NRG3: variants seen among roughly 807,000 people sequenced by gnomAD.
The protein encoded by NRG3 is pro-neuregulin-3, membrane-bound isoform.
NRG3 carries 31 observed loss-of-function variants against 66.9 expected under a neutral mutation model. The observed-to-expected ratio is 0.46, with a 90% CI of 0.35 to 0.63. The LOEUF is 0.63. Ranked by LOEUF, NRG3 falls within the 20% of genes least tolerant of loss-of-function variation. The pLI, the probability that NRG3 is intolerant of heterozygous loss-of-function variation, is 0.00. For synonymous variants in NRG3, 393 were observed against 359.4 expected (o/e 1.09, Z -1.06); for missense variants, 910 against 878.9 (o/e 1.04, Z -0.45).
At chr10:82,798,552 G>A (rs941987128) in intron 3 of NRG3, among the ~76,000 whole-genome samples, 1 of 152,070 alleles carries the variant, frequency 6.6e-6, no homozygotes, top group Admixed American at 6.6e-5. Flanking sequence ...ATCTTGTTTG[G>A]GGGTTTATTA....
intron 1 of NRG3, among the ~76,000 whole-genome samples, chr10:82,117,492 A>G (rs2132318961): frequency 6.6e-6 from 1 of 152,214 alleles, no homozygotes; most frequent in South Asian, 2.1e-4. Context: ...CAAATACTTG[A>G]TATCTTGAAT....
Position 82,640,905 on chromosome 10 carries a change from G to C in NRG3, c.954-97672G>C, listed in dbSNP as rs182033920. Among the ~76,000 whole-genome samples, 6 of 151,614 alleles carry C rather than the reference G, an allele frequency of 4.0e-5. No individual in the cohort carries two copies. In the East Asian group the frequency reaches 9.7e-4, roughly 25 times the overall value. On this transcript the variant is annotated intron_variant, in intron 2 of 8. Coordinates refer to ENST00000372141, the MANE Select transcript of NRG3 (RefSeq NM_001010848.4). Reference sequence around the variant, plus strand: ...TATTAACAAATGCTTACATTCTTTTGAGGACAACTTGTACGATTTGATAGG... The same window carrying C: ...TATTAACAAATGCTTACATTCTTTTCAGGACAACTTGTACGATTTGATAGG...
chr10:82,865,156 T>G (rs536377764), intron 3 of NRG3, among the ~76,000 whole-genome samples: 29 of 152,332 alleles, frequency 1.9e-4, no homozygotes, highest in African/African-American at 6.7e-4. Context: ...TTCTTCATGA[T>G]GTATGCAATA....
At chr10:82,242,559 A>G (rs762835960) in intron 1 of NRG3, among the ~76,000 whole-genome samples, 3 of 152,154 alleles carry the variant, frequency 2.0e-5, no homozygotes, top group Non-Finnish European at 4.4e-5. Flanking sequence ...TAGGTACAAC[A>G]TTCTTTCTAA....
chr10:82,082,852 C>A (rs964908383), intron 1 of NRG3, among the ~76,000 whole-genome samples: 1 of 151,956 alleles, frequency 6.6e-6, no homozygotes, highest in South Asian at 2.1e-4. Context: ...CTTTTTATTG[C>A]AAAGAAAGAA....
At chr10:82,197,079 A>C (rs1180449421) in intron 1 of NRG3, among the ~76,000 whole-genome samples, 1 of 152,170 alleles carries the variant, frequency 6.6e-6, no homozygotes, top group Non-Finnish European at 1.5e-5. Context: ...TCTTGAAAGC[A>C]GATCAGGAAT....
intron 1 of NRG3, among the ~76,000 whole-genome samples, chr10:82,080,071 G>T (rs1316126880): frequency 2.0e-5 from 3 of 152,112 alleles, no homozygotes; most frequent in Non-Finnish European, 4.4e-5. Context: ...GGTCTGCAAG[G>T]CAATCCACAG....
At chr10:82,738,855 C>A (rs1281523048) in intron 3 of NRG3, among the ~76,000 whole-genome samples, 1 of 152,166 alleles carries the variant, frequency 6.6e-6, no homozygotes, top group Non-Finnish European at 1.5e-5. Context: ...GGCCTGGCTT[C>A]CGGATTCCAC....
intron 6 of NRG3, among the ~76,000 whole-genome samples, chr10:82,962,137 C>A (rs1266290856): frequency 6.6e-6 from 1 of 152,166 alleles, no homozygotes; most frequent in Non-Finnish European, 1.5e-5. Context: ...TCCAAGGCTG[C>A]AGAACTGGAG....
rs10690548 is a variant in NRG3, at chr10:82,398,526, T to TGAGAGA, written c.953+39672_953+39677dup. On this transcript the variant is annotated intron_variant, in intron 2 of 8. Coordinates refer to ENST00000372141, the MANE Select transcript of NRG3 (RefSeq NM_001010848.4). ...GTGTGTGTGTGTGTGTGTGTGTGTG[T>TGAGAGA]GAGAGAGAGAGAGAGAGAGTATGAG... Among the ~76,000 whole-genome samples, 514 of 136,566 alleles carry TGAGAGA rather than the reference T, an allele frequency of 3.8e-3. 6 individuals carry two copies. Among genetic ancestry groups the TGAGAGA allele is most frequent in the African/African-American group, 0.015 (498 of 34,228 alleles). The allele number at this position is 136,566 out of a possible 152,430, so 89.6% of individuals were successfully genotyped here. A position where few individuals can be genotyped will look rare whatever the true frequency, so the allele number is the denominator to read the frequency against.
chr10:82,456,284 T>C (rs2091263592), intron 2 of NRG3, among the ~76,000 whole-genome samples: 1 of 151,812 alleles, frequency 6.6e-6, no homozygotes, highest in Non-Finnish European at 1.5e-5. Flanking sequence ...GGACTAAAAG[T>C]ATGTGCTACA....
At chr10:82,727,686 A>C (rs1378629820) in intron 2 of NRG3, among the ~76,000 whole-genome samples, 1 of 152,190 alleles carries the variant, frequency 6.6e-6, no homozygotes, top group East Asian at 1.9e-4. Flanking sequence ...CAGAGTCCCT[A>C]CTGGGGCACT....
intron 8 of NRG3, among the ~76,000 whole-genome samples, chr10:82,982,562 G>C (rs1018469105): frequency 1.1e-4 from 17 of 152,030 alleles, no homozygotes; most frequent in Non-Finnish European, 2.9e-5. Flanking sequence ...ATCATGTCTG[G>C]GGGGAAGTGA....
chr10:82,593,767 G>T (rs1168943363), intron 2 of NRG3, among the ~76,000 whole-genome samples: 1 of 151,066 alleles, frequency 6.6e-6, no homozygotes, highest in African/African-American at 2.4e-5. Flanking sequence ...AAAACTATCA[G>T]GTATTAAATA....
chr10:82,756,796 A>G (rs2059096316), intron 3 of NRG3, among the ~76,000 whole-genome samples: 2 of 151,366 alleles, frequency 1.3e-5, no homozygotes, highest in African/African-American at 4.8e-5. Flanking sequence ...TTCATTCAAC[A>G]CTTGCTGTGA....
intron 3 of NRG3, among the ~76,000 whole-genome samples, chr10:82,862,171 G>A (rs868339185): frequency 6.6e-6 from 1 of 152,100 alleles, no homozygotes; most frequent in Non-Finnish European, 1.5e-5. Context: ...CAAGATAAGC[G>A]GTCCTACCGA....
At chr10:82,081,330 A>G (rs2065378323) in intron 1 of NRG3, among the ~76,000 whole-genome samples, 1 of 152,156 alleles carries the variant, frequency 6.6e-6, no homozygotes, top group African/African-American at 2.4e-5. Context: ...TTCATTTAGA[A>G]CTAACTTTGA....
chr10:82,734,410 G>A (rs2134688221), intron 2 of NRG3, among the ~76,000 whole-genome samples: 1 of 152,276 alleles, frequency 6.6e-6, no homozygotes, highest in Non-Finnish European at 1.5e-5. Flanking sequence ...AAGCAATGCG[G>A]AGTAGAAAAC....
intron 2 of NRG3, among the ~76,000 whole-genome samples, chr10:82,419,167 C>A (rs576916592): frequency 6.6e-6 from 1 of 152,112 alleles, no homozygotes; most frequent in African/African-American, 2.4e-5. Flanking sequence ...GTGAAATTAA[C>A]TATTTTCACA....
Sources: allele counts gnomAD v4.1 joint callset (sites outside exome capture counted in the v4.1 genomes callset), GRCh38; gene constraint gnomAD v4.1.1; transcripts MANE v1.5; gene names NCBI Gene and HGNC (gene_info 2026-07-23, HGNC 2026-07-21).